Variants in ARPP19 observed in about 807,000 individuals in gnomAD.
ARPP19 encodes the protein cAMP-regulated phosphoprotein 19.
Under a neutral mutation model 12.0 loss-of-function variants are expected in ARPP19, and 8 were observed. The observed-to-expected ratio is 0.67, with a 90% CI of 0.39 to 1.21. ARPP19 has a LOEUF of 1.21. Ranked by LOEUF, ARPP19 falls within the 50% of genes most tolerant of loss-of-function variation. The pLI, the probability that ARPP19 is intolerant of heterozygous loss-of-function variation, is 0.01. For missense variants in ARPP19, 102 were observed against 136.3 expected, an observed-to-expected ratio of 0.75 and a Z score of 1.25; for synonymous variants, 47 against 50.4, an observed-to-expected ratio of 0.93 and a Z score of 0.29.
rs2141717655 is a variant in ARPP19 at position 52,550,682 on chromosome 15, TA to T, written c.*1251del. On this transcript the variant is annotated 3_prime_UTR_variant, in exon 3 of 3. Coordinates refer to ENST00000249822, the MANE Select transcript of ARPP19 (RefSeq NM_006628.6). ...AGGAAAACGCCATTATTGTGTTATA[TA>T]AAAGAGTAAGGATATAGACACCTAT... is the stretch of plus-strand genomic sequence containing the variant. The T allele has an allele frequency of 6.6e-6, 1 of 152,044 alleles. No individual in the cohort carries two copies. The highest frequency in any genetic ancestry group is 1.9e-4 in the East Asian group (1 of 5,166). 9.4% of individuals were successfully genotyped at this position (152,044 alleles called of 1,614,324 possible).
At chr15:52,568,773 T>TCCGCCTGGCGGGAGCAGG (rs1341458307) in intron 1 of ARPP19, 75 bp downstream of exon 1, 1 of 1,139,718 alleles carries the variant, frequency 8.8e-7, no homozygotes, top group Non-Finnish European at 1.2e-6. Flanking sequence ...GGCGCGGCCC[T>TCCGCCTGGCGGGAGCAGG]CCGCCTGGCG....
At chr15:52,569,179 C>T, upstream of ARPP19, 1 of 451,524 alleles carries the variant, frequency 2.2e-6, no homozygotes, top group South Asian at 2.6e-5. Flanking sequence ...AAGGTCGCCG[C>T]TCCTGCCTCA....
Position 52,557,128 on chromosome 15 carries a change from T to C in ARPP19, c.140A>G (p.Asp47Gly). Residue 47 changes from aspartate (D) to glycine (G), a missense_variant, in exon 2 of 3, where the codon GAT becomes GGT. Physicochemically the swap from Asp to Gly is moderately conservative, Grantham distance 94. Coordinates refer to ENST00000249822, the MANE Select transcript of ARPP19 (RefSeq NM_006628.6). ...TTTCTGCAACCGTTTCCTTAAGAAA[T>C]CTGAACCTCCAGGCTTTTGTCCCAG... ...PHLGQKPGGS[D>G]FLRKRLQKGQ... The C allele has an allele frequency of 1.2e-6, 2 of 1,612,380 alleles. No homozygotes were observed. The highest frequency in any genetic ancestry group is 2.2e-5 in the South Asian group (2 of 91,008).
At chr15:52,560,370 T>C (rs957203207) in intron 1 of ARPP19, among the ~76,000 whole-genome samples, 1 of 149,530 alleles carries the variant, frequency 6.7e-6, no homozygotes, top group Admixed American at 6.6e-5. Context: ...TAAAAAATGT[T>C]TGGGTAAAAC....
chr15:52,556,462 C>G (rs1436208084), intron 2 of ARPP19, among the ~76,000 whole-genome samples: 3 of 151,890 alleles, frequency 2.0e-5, no homozygotes, highest in African/African-American at 4.8e-5. Context: ...CAAAACATGG[C>G]AAGAATTTGA....
At chr15:52,563,481 A>G (rs2078054102) in intron 1 of ARPP19, among the ~76,000 whole-genome samples, 1 of 152,226 alleles carries the variant, frequency 6.6e-6, no homozygotes, top group African/African-American at 2.4e-5. Flanking sequence ...TTTTAATAAT[A>G]GTTATTGTCT....
chr15:52,567,521 A>T (rs570945060), intron 1 of ARPP19, among the ~76,000 whole-genome samples: 1 of 152,218 alleles, frequency 6.6e-6, no homozygotes, highest in Non-Finnish European at 1.5e-5. Context: ...AATTTCAAGC[A>T]ATAATGAACA....
chr15:52,564,034 AT>A (rs1431579293), intron 1 of ARPP19, among the ~76,000 whole-genome samples: 8 of 152,256 alleles, frequency 5.3e-5, no homozygotes, highest in African/African-American at 1.9e-4. Flanking sequence ...CCATCAGCTC[AT>A]CTTTAATATT....
At chr15:52,563,559 G>C (rs1052110008) in intron 1 of ARPP19, among the ~76,000 whole-genome samples, 2 of 152,174 alleles carry the variant, frequency 1.3e-5, no homozygotes, top group African/African-American at 4.8e-5. Context: ...AATAGGTGGG[G>C]TATAAGTTAT....
chr15:52,557,883 GTTATTT>G (rs2077996085), intron 1 of ARPP19: 2 of 151,992 alleles, frequency 1.3e-5, no homozygotes, highest in African/African-American at 4.8e-5. Flanking sequence ...GGCCCATCCT[GTTATTT>G]TTAAAGAAGA....
At chr15:52,554,154 A>G (rs1263183760) in intron 2 of ARPP19, among the ~76,000 whole-genome samples, 3 of 152,164 alleles carry the variant, frequency 2.0e-5, no homozygotes, top group African/African-American at 4.8e-5. Flanking sequence ...TTTAACACAC[A>G]TGTAAATTTT....
At chr15:52,569,035 C>G, upstream of ARPP19, 3 of 630,060 alleles carry the variant, frequency 4.8e-6, no homozygotes, top group Non-Finnish European at 8.3e-6. Context: ...TATGACGACA[C>G]GGAGCCGCGA....
chr15:52,554,191 A>G (rs957650199), intron 2 of ARPP19, among the ~76,000 whole-genome samples: 11 of 152,148 alleles, frequency 7.2e-5, no homozygotes, highest in African/African-American at 2.4e-4. Flanking sequence ...TATGTAATAA[A>G]CGCAGTTTCT....
intron 1 of ARPP19, among the ~76,000 whole-genome samples, chr15:52,566,762 T>G (rs1448605962): frequency 2.0e-5 from 3 of 152,196 alleles, no homozygotes; most frequent in Admixed American, 1.3e-4. Context: ...GGTATACAAG[T>G]TAAGAGATAA....
chr15:52,556,359 C>T (rs1289585721), intron 2 of ARPP19, among the ~76,000 whole-genome samples: 3 of 152,078 alleles, frequency 2.0e-5, no homozygotes, highest in African/African-American at 7.2e-5. Flanking sequence ...TAATTTTTTA[C>T]AGCAAAGGAA....
At chr15:52,565,989 G>C (rs537520663) in intron 1 of ARPP19, among the ~76,000 whole-genome samples, 115 of 152,156 alleles carry the variant, frequency 7.6e-4, no homozygotes, top group Non-Finnish European at 1.5e-3. Flanking sequence ...TGAGTAGCTG[G>C]AACTACAGGT....
chr15:52,552,887 G>C (rs1006281369), intron 2 of ARPP19, among the ~76,000 whole-genome samples: 3 of 152,110 alleles, frequency 2.0e-5, no homozygotes, highest in Non-Finnish European at 4.4e-5. Context: ...AACCAGAACG[G>C]CCAATATGGT....
At chr15:52,555,651 A>T (rs1426685028) in intron 2 of ARPP19, among the ~76,000 whole-genome samples, 4 of 152,022 alleles carry the variant, frequency 2.6e-5, no homozygotes, top group Non-Finnish European at 5.9e-5. Flanking sequence ...TAAATAAGAG[A>T]TTATTGATTT....
chr15:52,561,955 T>TAA (rs1054974559), intron 1 of ARPP19, among the ~76,000 whole-genome samples: 33 of 147,012 alleles, frequency 2.2e-4, no homozygotes, highest in South Asian at 4.3e-4. Context: ...TTTTTTTTTT[T>TAA]TATTAAGATA....
Sources: gnomAD v4.1 joint callset for allele counts (sites outside exome capture counted in the v4.1 genomes callset) on GRCh38, gnomAD v4.1.1 for gene constraint, MANE v1.5 for transcripts, NCBI Gene and HGNC (gene_info 2026-07-23, HGNC 2026-07-21) for gene names.